The following ATP9B variants were observed in gnomAD, a reference collection of about 807,000 sequenced individuals.
ATP9B encodes probable phospholipid-transporting ATPase IIB.
ATP9B carries 110 observed loss-of-function variants against 146.1 expected under a neutral mutation model. That is an observed-to-expected ratio of 0.75 (90% confidence interval 0.65 to 0.88). ATP9B has a LOEUF of 0.88. ATP9B is among the 40% of genes least tolerant of loss of function. The pLI is 0.00. For missense variants in ATP9B, 1,499 were observed against 1,496.4 expected, an observed-to-expected ratio of 1.00 and a Z score of -0.03; for synonymous variants, 604 against 569.7, an observed-to-expected ratio of 1.06 and a Z score of -0.86.
intron 1 of ATP9B, among the ~76,000 whole-genome samples, chr18:79,071,745 G>A (rs942396835): frequency 1.3e-5 from 2 of 152,042 alleles, no homozygotes; most frequent in African/African-American, 4.8e-5. Flanking sequence ...TTAGGATGCT[G>A]CTGTCACTCA....
At chr18:79,172,159 T>C (rs112500028) in intron 7 of ATP9B, among the ~76,000 whole-genome samples, 660 of 148,590 alleles carry the variant, frequency 4.4e-3, no homozygotes, top group African/African-American at 7.8e-3. Flanking sequence ...CCTTGCGATC[T>C]GCCTTGGCCT....
rs542105311 is a variant in ATP9B at position 79,167,355 on chromosome 18, C to A, written c.779-9458C>A. 1.2e-3 allele frequency among the ~76,000 whole-genome samples: 184 copies of A among 152,280 alleles called. 2 individuals carry two copies. Among genetic ancestry groups the A allele is most frequent in the South Asian group, 5.0e-3 (24 of 4,820 alleles). Reference sequence around the variant, plus strand: ...GAGCGACAGTACAGCTCTCAGGAGACGCTAAGTGGGTAGCTCCTCTCCACA... The same window carrying A: ...GAGCGACAGTACAGCTCTCAGGAGAAGCTAAGTGGGTAGCTCCTCTCCACA... On this transcript the variant is annotated intron_variant, in intron 7 of 29. Coordinates refer to ENST00000426216, the MANE Select transcript of ATP9B (RefSeq NM_198531.5).
intron 17 of ATP9B, among the ~76,000 whole-genome samples, chr18:79,334,090 G>A (rs749548296): frequency 6.6e-6 from 1 of 152,156 alleles, no homozygotes; most frequent in Non-Finnish European, 1.5e-5. Flanking sequence ...GGGCGCGGTG[G>A]CTCACGCCTG....
chr18:79,361,658 T>A (rs1362303818), intron 26 of ATP9B: 1 of 439,806 alleles, frequency 2.3e-6, no homozygotes, highest in Non-Finnish European at 3.0e-6. Context: ...ACTAAAGTAC[T>A]GAGCCACTAA....
intron 1 of ATP9B, among the ~76,000 whole-genome samples, chr18:79,088,104 A>G (rs2073997085): frequency 6.6e-6 from 1 of 152,220 alleles, no homozygotes; most frequent in Admixed American, 6.5e-5. Flanking sequence ...ATTGCCTTGG[A>G]AATGGAATAA....
intron 11 of ATP9B, among the ~76,000 whole-genome samples, chr18:79,248,896 G>A (rs1245087018): frequency 6.6e-6 from 1 of 152,146 alleles, no homozygotes; most frequent in East Asian, 1.9e-4. Context: ...TGTTGCACAG[G>A]CACTTTGTTG....
chr18:79,274,406 C>T (rs999937262), intron 12 of ATP9B, among the ~76,000 whole-genome samples: 3 of 152,118 alleles, frequency 2.0e-5, no homozygotes, highest in Non-Finnish European at 2.9e-5. Context: ...AAGCTGTCTA[C>T]TCTGTATGTA....
chr18:79,079,294 C>G (rs1445184339), intron 1 of ATP9B, among the ~76,000 whole-genome samples: 1 of 152,156 alleles, frequency 6.6e-6, no homozygotes, highest in Non-Finnish European at 1.5e-5. Context: ...TAAAAGTGTT[C>G]CTGTTTCTCC....
chr18:79,135,796 C>G (rs67645056), intron 5 of ATP9B, among the ~76,000 whole-genome samples: 7 of 152,034 alleles, frequency 4.6e-5, no homozygotes, highest in Non-Finnish European at 7.4e-5. Context: ...ATTATACTTA[C>G]GAATATCCAT....
intron 7 of ATP9B, among the ~76,000 whole-genome samples, chr18:79,158,238 A>T (rs2094825375): frequency 6.6e-6 from 1 of 151,810 alleles, no homozygotes; most frequent in African/African-American, 2.4e-5. Context: ...ATCTTCTTTG[A>T]TTCATTGCTT....
chr18:79,070,389 T>C (rs1043371956), intron 1 of ATP9B, among the ~76,000 whole-genome samples: 5 of 152,252 alleles, frequency 3.3e-5, no homozygotes, highest in Middle Eastern at 3.2e-3. Flanking sequence ...TTTGAGTGTT[T>C]ACCCACTAGC....
At chr18:79,351,910 C>CT (rs1055501639) in intron 25 of ATP9B, among the ~76,000 whole-genome samples, 6 of 152,132 alleles carry the variant, frequency 3.9e-5, no homozygotes, top group Non-Finnish European at 5.9e-5. Context: ...CCACTCTGCC[C>CT]TTGCCCCCCA....
intron 6 of ATP9B, among the ~76,000 whole-genome samples, chr18:79,147,369 AC>A (rs1271735932): frequency 1.4e-4 from 21 of 152,342 alleles, no homozygotes; most frequent in Admixed American, 1.3e-3. Context: ...AGACCACCGT[AC>A]CTGTCAGTAG....
At chr18:79,184,715 A>G (rs996633418) in intron 8 of ATP9B, among the ~76,000 whole-genome samples, 1 of 152,050 alleles carries the variant, frequency 6.6e-6, no homozygotes, top group Admixed American at 6.6e-5. Flanking sequence ...TCTTGTGTAC[A>G]TACTCAAGTA....
At chr18:79,133,010 T>C (rs1462898626) in intron 5 of ATP9B, among the ~76,000 whole-genome samples, 1 of 152,236 alleles carries the variant, frequency 6.6e-6, no homozygotes, top group Non-Finnish European at 1.5e-5. Context: ...TTTCTATGTA[T>C]GTTGCTGTTA....
At chr18:79,213,459 ATTAT>A (rs574746049) in intron 10 of ATP9B, among the ~76,000 whole-genome samples, 44 of 152,240 alleles carry the variant, frequency 2.9e-4, no homozygotes, top group African/African-American at 8.2e-4. Flanking sequence ...TAATATTTCT[ATTAT>A]TTTAATTGTA....
intron 14 of ATP9B, among the ~76,000 whole-genome samples, chr18:79,306,307 T>C (rs1032876068): frequency 2.0e-5 from 3 of 152,160 alleles, no homozygotes; most frequent in Non-Finnish European, 4.4e-5. Flanking sequence ...TAATAAAAAG[T>C]TATTGCTTTG....
At chr18:79,222,415 G>A (rs932519322) in intron 11 of ATP9B, among the ~76,000 whole-genome samples, 6 of 152,048 alleles carry the variant, frequency 3.9e-5, no homozygotes, top group African/African-American at 1.2e-4. Context: ...TTTCTGTGAC[G>A]CCTGGTTGTC....
At chr18:79,199,111 C>T (rs917610927) in intron 9 of ATP9B, among the ~76,000 whole-genome samples, 4 of 152,078 alleles carry the variant, frequency 2.6e-5, no homozygotes, top group African/African-American at 4.8e-5. Context: ...ACTGCCACGC[C>T]GGGCTAATTT....
Sources: allele counts gnomAD v4.1 joint callset (sites outside exome capture counted in the v4.1 genomes callset), GRCh38; gene constraint gnomAD v4.1.1; transcripts MANE v1.5; gene names NCBI Gene and HGNC (gene_info 2026-07-23, HGNC 2026-07-21).